Variants in SPOCK1 observed in about 807,000 individuals in gnomAD.
SPOCK1 encodes the protein SPARC (osteonectin), cwcv and kazal like domains proteoglycan 1.
A neutral mutation model predicts 55.3 loss-of-function variants in SPOCK1; 23 were observed. The ratio of observed to expected loss-of-function variants is 0.42; its 90% CI spans 0.30 to 0.59. The LOEUF (loss-of-function observed/expected upper bound fraction) is 0.59. Among genes scored for constraint, SPOCK1 ranks in the 20% least tolerant of loss-of-function variants. The pLI, the probability that SPOCK1 is intolerant of heterozygous loss-of-function variation, is 0.22. For synonymous variants in SPOCK1, 226 were observed against 221.0 expected (o/e 1.02, Z -0.20); for missense variants, 499 against 552.5 (o/e 0.90, Z 0.97).
At chr5:136,988,746 C>T in intron 7 of SPOCK1, 103 bp from the exon 8 acceptor site, 2 of 999,828 alleles carry the variant, frequency 2.0e-6, no homozygotes, top group Non-Finnish European at 2.9e-6. Flanking sequence ...GCCCACCTGA[C>T]TCCCTTCCTG....
intron 2 of SPOCK1, among the ~76,000 whole-genome samples, chr5:137,466,652 C>G (rs779815717): frequency 1.3e-4 from 20 of 152,302 alleles, no homozygotes; most frequent in Non-Finnish European, 2.5e-4. Context: ...ATGGAACTTA[C>G]ATGGAGTTAA....
intron 2 of SPOCK1, among the ~76,000 whole-genome samples, chr5:137,373,637 G>A (rs1751249416): frequency 1.3e-5 from 2 of 152,208 alleles, no homozygotes; most frequent in Non-Finnish European, 1.5e-5. Flanking sequence ...GACGGCAGGT[G>A]GCACATCCCA....
intron 2 of SPOCK1, among the ~76,000 whole-genome samples, chr5:137,433,209 C>A (rs572619387): frequency 9.2e-5 from 14 of 152,268 alleles, no homozygotes; most frequent in South Asian, 8.3e-4. Flanking sequence ...AAAACCAGAA[C>A]CTTTATTGCT....
Position 136,975,633 on chromosome 5 carries a change from A to G in SPOCK1, c.*3021T>C, listed in dbSNP as rs1750597529. 6.6e-6 allele frequency: 1 copy of G among 152,218 alleles called. No homozygotes were observed. Among genetic ancestry groups the G allele is most frequent in the African/African-American group, 2.4e-5 (1 of 41,436 alleles). The allele number at this position is 152,218 out of a possible 1,614,324, so 9.4% of individuals were successfully genotyped here. A position where few individuals can be genotyped will look rare whatever the true frequency, so the allele number is the denominator to read the frequency against. On this transcript the variant is annotated 3_prime_UTR_variant, in exon 11 of 11. Transcript: ENST00000394945. ...TGTACAGCGTGGTCAAGGTAACAAG[A>G]AGAAAAAAATGTGAGTGGCATCCTG...
intron 2 of SPOCK1, among the ~76,000 whole-genome samples, chr5:137,350,316 T>C (rs1441523984): frequency 6.6e-6 from 1 of 152,172 alleles, no homozygotes; most frequent in Admixed American, 6.5e-5. Context: ...CTGGTCTAAT[T>C]ACACTGTCCC....
At chr5:137,456,903 C>T (rs1353357101) in intron 2 of SPOCK1, among the ~76,000 whole-genome samples, 2 of 152,174 alleles carry the variant, frequency 1.3e-5, no homozygotes, top group Admixed American at 6.5e-5. Context: ...TGTTAATACA[C>T]ACTACCAACT....
At chr5:137,114,562 T>C (rs1176456170) in intron 4 of SPOCK1, among the ~76,000 whole-genome samples, 1 of 152,240 alleles carries the variant, frequency 6.6e-6, no homozygotes, top group Non-Finnish European at 1.5e-5. Flanking sequence ...AGGCCTCCTA[T>C]TATCCTTCAT....
chr5:137,294,514 C>T (rs1430414914), intron 2 of SPOCK1, among the ~76,000 whole-genome samples: 1 of 152,240 alleles, frequency 6.6e-6, no homozygotes, highest in African/African-American at 2.4e-5. Flanking sequence ...AACACACTGC[C>T]TCCATGTAGA....
At chr5:137,083,583 G>A (rs1224842678) in intron 5 of SPOCK1, among the ~76,000 whole-genome samples, 1 of 152,168 alleles carries the variant, frequency 6.6e-6, no homozygotes, top group African/African-American at 2.4e-5. Flanking sequence ...CAAGGCTGCT[G>A]TCAGCTTGGG....
intron 2 of SPOCK1, among the ~76,000 whole-genome samples, chr5:137,489,995 A>G (rs1424740166): frequency 2.0e-5 from 3 of 152,212 alleles, no homozygotes; most frequent in Non-Finnish European, 1.5e-5. Context: ...TCTCAAAGGA[A>G]CATAAATGAT....
chr5:137,444,927 C>T (rs982842909), intron 2 of SPOCK1, among the ~76,000 whole-genome samples: 3 of 152,232 alleles, frequency 2.0e-5, no homozygotes, highest in African/African-American at 7.2e-5. Context: ...CCTCTCCCAG[C>T]TCCTAGTCCA....
intron 2 of SPOCK1, among the ~76,000 whole-genome samples, chr5:137,367,891 C>T (rs1288863558): frequency 6.6e-6 from 1 of 152,206 alleles, no homozygotes; most frequent in East Asian, 1.9e-4. Context: ...AGGGCTGTAG[C>T]CAAGGCGAGG....
intron 2 of SPOCK1, among the ~76,000 whole-genome samples, chr5:137,465,762 A>C (rs1162496489): frequency 6.6e-6 from 1 of 152,230 alleles, no homozygotes; most frequent in Non-Finnish European, 1.5e-5. Flanking sequence ...ATCAATTCTG[A>C]GGCAAGAGAT....
At chr5:137,143,688 A>C (rs143740482) in intron 3 of SPOCK1, among the ~76,000 whole-genome samples, 1 of 152,346 alleles carries the variant, frequency 6.6e-6, no homozygotes, top group Non-Finnish European at 1.5e-5. Context: ...TTTTTCCCAG[A>C]GTAAATAATC....
intron 2 of SPOCK1, among the ~76,000 whole-genome samples, chr5:137,359,152 G>C (rs1305594684): frequency 6.6e-6 from 1 of 152,070 alleles, no homozygotes; most frequent in Admixed American, 6.6e-5. Context: ...CCTCTAACTG[G>C]GGCACAAGAC....
intron 2 of SPOCK1, among the ~76,000 whole-genome samples, chr5:137,395,454 C>T (rs1029370113): frequency 2.0e-5 from 3 of 152,184 alleles, no homozygotes; most frequent in Admixed American, 6.5e-5. Flanking sequence ...AGCTGGTCTC[C>T]ATCAGGGAGC....
intron 6 of SPOCK1, among the ~76,000 whole-genome samples, chr5:137,025,530 A>G (rs1751658920): frequency 6.6e-6 from 1 of 152,198 alleles, no homozygotes; most frequent in Non-Finnish European, 1.5e-5. Context: ...CACAATGGTA[A>G]ATAAAACATA....
chr5:137,317,875 A>G (rs1757909320), intron 2 of SPOCK1, among the ~76,000 whole-genome samples: 1 of 152,122 alleles, frequency 6.6e-6, no homozygotes. Context: ...ATAGCTATCA[A>G]TTTCCCCCCT....
intron 6 of SPOCK1, among the ~76,000 whole-genome samples, chr5:137,024,964 T>C (rs1282605309): frequency 2.0e-5 from 3 of 152,192 alleles, no homozygotes; most frequent in African/African-American, 7.2e-5. Flanking sequence ...GCAATGTGGA[T>C]GAATCTTGAG....
Sources: allele counts gnomAD v4.1 joint callset (sites outside exome capture counted in the v4.1 genomes callset), GRCh38; gene constraint gnomAD v4.1.1; transcripts MANE v1.5; gene names NCBI Gene and HGNC (gene_info 2026-07-23, HGNC 2026-07-21).